The following WDR75 variants were observed in gnomAD, a reference collection of about 807,000 sequenced individuals.
WDR75 encodes WD repeat domain 75, also known as WD repeat-containing protein 75.
WDR75 carries 52 observed loss-of-function variants against 106.1 expected under a neutral mutation model. The ratio of observed to expected loss-of-function variants is 0.49; its 90% CI spans 0.39 to 0.62. The LOEUF is 0.62. Ranked by LOEUF, WDR75 falls within the 20% of genes least tolerant of loss-of-function variation. The pLI is 0.00. For synonymous variants in WDR75, 333 were observed against 335.5 expected (o/e 0.99, Z 0.08); for missense variants, 905 against 970.3 (o/e 0.93, Z 0.89).
At chr2:189,471,786 C>CT (rs1396631909) in intron 18 of WDR75, among the ~76,000 whole-genome samples, 2 of 152,128 alleles carry the variant, frequency 1.3e-5, no homozygotes, top group Non-Finnish European at 2.9e-5. Context: ...TGGTTTTTCT[C>CT]TTTCTTTGGT....
chr2:189,445,059 A>G (rs180764097), intron 1 of WDR75, among the ~76,000 whole-genome samples: 2 of 152,320 alleles, frequency 1.3e-5, no homozygotes, highest in East Asian at 3.9e-4. Flanking sequence ...CCAGTCTACA[A>G]GGTTAAGGTA....
At position 189,450,258 on chromosome 2, in the gene WDR75, C is replaced by T. The variant is rs546540331; in HGVS notation, c.217-645C>T. ...TCACTTGAGAAGCACTCCCTTAATG[C>T]TCATATAAGGTAAAAGGAGTTTGGC... On this transcript the variant is annotated intron_variant, in intron 2 of 20. Coordinates refer to ENST00000314761, the MANE Select transcript of WDR75 (RefSeq NM_032168.3). The T allele has an allele frequency of 4.1e-6, 4 of 985,496 alleles. No individual in the cohort carries two copies. In the South Asian group the frequency reaches 1.9e-4, roughly 46 times the overall value. The allele number at this position is 985,496 out of a possible 1,614,324, so 61.0% of individuals were successfully genotyped here.
Position 189,458,797 on chromosome 2 carries a change from A to G in WDR75, c.614A>G (p.Asn205Ser), listed in dbSNP as rs2105562341. The change falls in exon 7 of 21, where the codon AAT (asparagine) becomes AGT (serine). Residue 205 changes from asparagine to serine, a missense_variant. By Grantham distance (46) the Asn-to-Ser change is conservative (BLOSUM62 1). Coordinates refer to ENST00000314761, the MANE Select transcript of WDR75 (RefSeq NM_032168.3). ...SSRNKKHAKNNFTCVACHPTE... is the reference protein window; with the variant it reads ...SSRNKKHAKNSFTCVACHPTE... ...AGAAATAAGAAGCATGCTAAAAACA[A>G]TTTTACATGTGTAGCATGTCACCCA... 1.2e-6 allele frequency: 2 copies of G among 1,606,310 alleles called. No homozygotes were observed. The highest frequency in any genetic ancestry group is 1.3e-5 in the African/African-American group (1 of 74,736).
chr2:189,465,246 AAC>A lies in WDR75; in HGVS notation c.1285_1286del (p.Gln429ArgfsTer5). 1 of 1,611,874 alleles carries A rather than the reference AAC, an allele frequency of 6.2e-7. No homozygotes were observed. The highest frequency in any genetic ancestry group is 8.5e-7 in the Non-Finnish European group (1 of 1,178,766). ...QMKLWMYNKKTQGFILNTKIN... is the reference protein window; with the variant it reads ...QMKLWMYNKKXQGFILNTKIN... ...TGAAACTGTGGATGTATAATAAGAAAACACAAGGGTAATACTATCTGTGTAGC... is the reference window on the plus strand; with the variant it reads ...TGAAACTGTGGATGTATAATAAGAAAACAAGGGTAATACTATCTGTGTAGC... On this transcript the variant is annotated frameshift_variant, in exon 12 of 21. Coordinates refer to ENST00000314761, the MANE Select transcript of WDR75 (RefSeq NM_032168.3). LOFTEE classifies it high-confidence loss of function.
intron 3 of WDR75, 55 bp from the exon 4 acceptor site, chr2:189,451,750 T>TA: frequency 6.7e-7 from 1 of 1,493,018 alleles, no homozygotes. Context: ...TGATGGATCT[T>TA]ATGTTCCACT....
intron 2 of WDR75, chr2:189,450,266 A>T (rs750809407): frequency 3.3e-5 from 33 of 985,580 alleles, no homozygotes; most frequent in Non-Finnish European, 4.0e-5. Flanking sequence ...TGCTCATATA[A>T]GGTAAAAGGA....
At chr2:189,455,895 CT>C (rs1202442306) in intron 5 of WDR75, among the ~76,000 whole-genome samples, 6 of 151,904 alleles carry the variant, frequency 3.9e-5, no homozygotes, top group Non-Finnish European at 4.4e-5. Context: ...GTCTTTTCAT[CT>C]TTTTTTTCAC....
chr2:189,466,960 C>A (rs1225955906), intron 13 of WDR75, among the ~76,000 whole-genome samples: 1 of 151,982 alleles, frequency 6.6e-6, no homozygotes, highest in Non-Finnish European at 1.5e-5. Context: ...AACAGGTTTT[C>A]TTGTTTTGTG....
intron 3 of WDR75, among the ~76,000 whole-genome samples, chr2:189,451,424 G>A (rs1177924416): frequency 6.6e-6 from 1 of 152,138 alleles, no homozygotes; most frequent in Non-Finnish European, 1.5e-5. Context: ...GGTAAAGTAT[G>A]GAGAAACAGG....
chr2:189,449,463 T>C, intron 2 of WDR75: 2 of 1,125,570 alleles, frequency 1.8e-6, no homozygotes, highest in Non-Finnish European at 2.2e-6. Flanking sequence ...GTGTAGTGTT[T>C]GAATGTTTTT....
At chr2:189,446,193 T>C (rs1465381390) in intron 1 of WDR75, among the ~76,000 whole-genome samples, 1 of 152,190 alleles carries the variant, frequency 6.6e-6, no homozygotes, top group Non-Finnish European at 1.5e-5. Context: ...GGGATCAGAC[T>C]ACCAAAGCCT....
chr2:189,455,361 A>G lies in WDR75; in HGVS notation c.415A>G (p.Ser139Gly), dbSNP rs1445727197. ...TTCAGTGAAACTGCCAAAATCCTCA[A>G]GCCAGGAAGTAGAAGCCAAGGAGCT... ...LVSVKLPKSS[S>G]QEVEAKELSF... Residue 139 changes from serine (S) to glycine (G), a missense_variant, in exon 5 of 21, where the codon AGC becomes GGC. Physicochemically the swap from Ser to Gly is moderately conservative, Grantham distance 56. Coordinates refer to ENST00000314761, the MANE Select transcript of WDR75 (RefSeq NM_032168.3). 1 of 1,614,096 alleles carries G rather than the reference A, an allele frequency of 6.2e-7. No individual in the cohort carries two copies. The highest frequency in any genetic ancestry group is 8.5e-7 in the Non-Finnish European group (1 of 1,180,022).
At chr2:189,462,235 T>G (rs1171784053) in intron 8 of WDR75, among the ~76,000 whole-genome samples, 1 of 152,112 alleles carries the variant, frequency 6.6e-6, no homozygotes, top group Admixed American at 6.6e-5. Flanking sequence ...TATTTGTTTG[T>G]CCAGCTTTTC....
chr2:189,444,718 G>A (rs1221689642), intron 1 of WDR75, among the ~76,000 whole-genome samples: 1 of 151,814 alleles, frequency 6.6e-6, no homozygotes, highest in East Asian at 1.9e-4. Context: ...GTTTTTTGTT[G>A]CCTCCTTAAC....
intron 6 of WDR75, 26 bp downstream of exon 6, chr2:189,457,407 A>G (rs371386154): frequency 1.4e-5 from 20 of 1,416,728 alleles, no homozygotes; most frequent in Non-Finnish European, 2.0e-5. Context: ...TATTAGCTTT[A>G]TTTTATTTGC....
intron 14 of WDR75, among the ~76,000 whole-genome samples, chr2:189,468,053 G>T (rs956963682): frequency 3.3e-5 from 5 of 152,154 alleles, no homozygotes; most frequent in Admixed American, 6.6e-5. Flanking sequence ...AGGTAGTTGG[G>T]CCTGAGGACA....
intron 9 of WDR75, among the ~76,000 whole-genome samples, chr2:189,463,324 C>T (rs1686938775): frequency 6.6e-6 from 1 of 152,038 alleles, no homozygotes; most frequent in African/African-American, 2.4e-5. Context: ...CTAGATTTTC[C>T]ACTAACTCAC....
chr2:189,471,698 T>A (rs1687123062), intron 18 of WDR75, among the ~76,000 whole-genome samples: 1 of 152,172 alleles, frequency 6.6e-6, no homozygotes, highest in Non-Finnish European at 1.5e-5. Flanking sequence ...TCTGGAAACC[T>A]GCTACACAGT....
intron 1 of WDR75, among the ~76,000 whole-genome samples, chr2:189,447,631 A>T (rs1028979831): frequency 3.9e-5 from 6 of 152,212 alleles, no homozygotes; most frequent in African/African-American, 1.4e-4. Flanking sequence ...TTGCAGGATA[A>T]TTCCATTTAT....
Sources: allele counts gnomAD v4.1 joint callset (sites outside exome capture counted in the v4.1 genomes callset), GRCh38; gene constraint gnomAD v4.1.1; transcripts MANE v1.5; gene names NCBI Gene and HGNC (gene_info 2026-07-23, HGNC 2026-07-21).